Variants in WDR72 observed in about 807,000 individuals in gnomAD.
WDR72 encodes WD repeat domain 72, also known as WD repeat-containing protein 72.
Under a neutral mutation model 124.2 loss-of-function variants are expected in WDR72, and 120 were observed. That is an observed-to-expected ratio of 0.97 (90% CI 0.83 to 1.12). The LOEUF is 1.12. WDR72 is among the 50% of genes most tolerant of loss of function. WDR72 has a pLI of 0.00. For missense variants in WDR72, 1,387 were observed against 1,278.8 expected, an observed-to-expected ratio of 1.08 and a Z score of -1.29; for synonymous variants, 452 against 441.7, an observed-to-expected ratio of 1.02 and a Z score of -0.29.
intron 9 of WDR72, among the ~76,000 whole-genome samples, chr15:53,707,180 A>G (rs1192957963): frequency 6.6e-6 from 1 of 152,208 alleles, no homozygotes; most frequent in East Asian, 1.9e-4. Context: ...GTCAGAAAAT[A>G]CATGCTTTAA....
chr15:53,670,427 C>A (rs1433031042), intron 13 of WDR72, among the ~76,000 whole-genome samples: 1 of 152,190 alleles, frequency 6.6e-6, no homozygotes, highest in East Asian at 1.9e-4. Context: ...CTTTCCCTGT[C>A]AGTTCAGCAT....
chr15:53,543,330 A>G (rs1893253274), intron 18 of WDR72, among the ~76,000 whole-genome samples: 1 of 151,982 alleles, frequency 6.6e-6, no homozygotes, highest in African/African-American at 2.4e-5. Context: ...AGAACTCAGG[A>G]TTAAGAATCT....
chr15:53,673,806 A>G (rs1300134540), intron 13 of WDR72, among the ~76,000 whole-genome samples: 1 of 152,146 alleles, frequency 6.6e-6, no homozygotes, highest in African/African-American at 2.4e-5. Context: ...CCTGACCAAC[A>G]TGGCGAAACC....
At chr15:53,697,177 C>A (rs191380157) in intron 13 of WDR72, among the ~76,000 whole-genome samples, 1 of 152,134 alleles carries the variant, frequency 6.6e-6, no homozygotes, top group South Asian at 2.1e-4. Flanking sequence ...GTATAGATAA[C>A]CAACTATAGG....
At chr15:53,552,395 A>G (rs1302487548) in intron 18 of WDR72, among the ~76,000 whole-genome samples, 1 of 152,170 alleles carries the variant, frequency 6.6e-6, no homozygotes, top group Non-Finnish European at 1.5e-5. Flanking sequence ...GTCTGCTTCA[A>G]GGGCAGGACC....
Position 53,616,186 on chromosome 15 carries a change from A to G in WDR72, c.2020T>C (p.Trp674Arg). 2 of 1,606,982 alleles carry G rather than the reference A, an allele frequency of 1.2e-6. No individual in the cohort carries two copies. Among genetic ancestry groups the G allele is most frequent in the Non-Finnish European group, 1.7e-6 (2 of 1,178,698 alleles). ...PFNVLPVKTKWSNVGFHILLF... is the reference protein window; with the variant it reads ...PFNVLPVKTKRSNVGFHILLF... ...AGAATATGAAAGCCAACGTTACTCCATTTTGTCTTCACAGGCAAGACATTA... is the reference window on the plus strand; with the variant it reads ...AGAATATGAAAGCCAACGTTACTCCGTTTTGTCTTCACAGGCAAGACATTA... The change falls in exon 15 of 20, where the codon TGG becomes CGG. Residue 674 changes from tryptophan (W) to arginine (R), a missense_variant. By Grantham distance (101) the Trp-to-Arg change is moderately radical (BLOSUM62 -3). Transcript: ENST00000360509.
chr15:53,749,773 C>T (rs1275833003), intron 1 of WDR72, among the ~76,000 whole-genome samples: 1 of 152,110 alleles, frequency 6.6e-6, no homozygotes, highest in Non-Finnish European at 1.5e-5. Flanking sequence ...GAGACCGAAA[C>T]AATTGCTGAT....
At position 53,755,096 on chromosome 15, in the gene WDR72, GGCAGAAAATAATTTTCTCCT is replaced by G. The variant is rs1449187644; in HGVS notation, c.-13+4517_-13+4536del. ...ATGTTCTATATACATCAACATGGAAGGCAGAAAATAATTTTCTCCTTCCCCAGGCGACAGCTATTAGCTAT... is the reference window on the plus strand; with the variant it reads ...ATGTTCTATATACATCAACATGGAAGTCCCCAGGCGACAGCTATTAGCTAT... On this transcript the variant is annotated intron_variant, in intron 1 of 19. Transcript: ENST00000360509. Among the ~76,000 whole-genome samples the G allele has an allele frequency of 5.3e-5, 8 of 152,128 alleles. No individual in the cohort carries two copies. The East Asian group carries it at 1.3e-3, about 26-fold the overall frequency.
intron 18 of WDR72, among the ~76,000 whole-genome samples, chr15:53,593,676 C>CT (rs1187417897): frequency 1.5e-4 from 23 of 151,626 alleles, no homozygotes; most frequent in African/African-American, 5.6e-4. Context: ...GTGGGAAGAT[C>CT]ACCTGAGCCA....
At chr15:53,548,659 G>A (rs8039907) in intron 18 of WDR72, among the ~76,000 whole-genome samples, 1,456 of 143,024 alleles carry the variant, frequency 0.01, 23 homozygotes, top group African/African-American at 0.038. Flanking sequence ...TTTTTTTTTT[G>A]GTGGGGGTTG....
intron 18 of WDR72, 105 bp from the exon 19 acceptor site, chr15:53,523,427 G>A (rs1387388990): frequency 9.6e-7 from 1 of 1,041,414 alleles, no homozygotes; most frequent in Non-Finnish European, 1.5e-6. Flanking sequence ...GATATTTCCA[G>A]GGACACACTA....
At chr15:53,751,239 T>TAAAAAAAAA (rs2018766524) in intron 1 of WDR72, among the ~76,000 whole-genome samples, 2 of 146,830 alleles carry the variant, frequency 1.4e-5, no homozygotes, top group African/African-American at 4.9e-5. Context: ...TGAGACTACT[T>TAAAAAAAAA]TAAAAAAAAA....
chr15:53,607,505 C>T (rs1271444942), intron 17 of WDR72, among the ~76,000 whole-genome samples: 1 of 152,098 alleles, frequency 6.6e-6, no homozygotes, highest in African/African-American at 2.4e-5. Flanking sequence ...TTACCGTATA[C>T]AAAAGTCAAA....
At chr15:53,676,608 C>G (rs899329296) in intron 13 of WDR72, among the ~76,000 whole-genome samples, 1 of 152,194 alleles carries the variant, frequency 6.6e-6, no homozygotes, top group African/African-American at 2.4e-5. Flanking sequence ...GAACTAAATT[C>G]TGCCAAGGAC....
At chr15:53,538,873 G>GTT (rs1319946698) in intron 18 of WDR72, among the ~76,000 whole-genome samples, 12 of 152,206 alleles carry the variant, frequency 7.9e-5, no homozygotes, top group Non-Finnish European at 1.5e-5. Flanking sequence ...GTCTCAGTAA[G>GTT]TACATTTAGA....
At chr15:53,723,062 C>T (rs1376824419) in intron 2 of WDR72, among the ~76,000 whole-genome samples, 154 bp from the exon 3 acceptor site, 1 of 152,190 alleles carries the variant, frequency 6.6e-6, no homozygotes, top group African/African-American at 2.4e-5. Context: ...ACAACATCCA[C>T]AGAGTAATAA....
chr15:53,524,631 T>G (rs188402620), intron 18 of WDR72, among the ~76,000 whole-genome samples: 101 of 152,230 alleles, frequency 6.6e-4, no homozygotes, highest in African/African-American at 2.4e-3. Flanking sequence ...GTAACATGAT[T>G]CTGGTTTAAA....
At chr15:53,643,908 C>A (rs1344629429) in intron 14 of WDR72, among the ~76,000 whole-genome samples, 1 of 151,958 alleles carries the variant, frequency 6.6e-6, no homozygotes, top group Admixed American at 6.6e-5. Flanking sequence ...ACAAAATGTA[C>A]AAAAGACTAT....
intron 17 of WDR72, among the ~76,000 whole-genome samples, chr15:53,598,863 A>G (rs2012906336): frequency 6.6e-6 from 1 of 152,188 alleles, no homozygotes; most frequent in Non-Finnish European, 1.5e-5. Flanking sequence ...CCATTAATCT[A>G]AGATATACTT....
Sources: gnomAD v4.1 joint callset for allele counts (sites outside exome capture counted in the v4.1 genomes callset) on GRCh38, gnomAD v4.1.1 for gene constraint, MANE v1.5 for transcripts, NCBI Gene and HGNC (gene_info 2026-07-23, HGNC 2026-07-21) for gene names.